The following RNF175 variants were observed in gnomAD, a reference collection of about 807,000 sequenced individuals.
RNF175 encodes the protein ring finger protein 175.
RNF175 carries 38 observed loss-of-function variants against 50.0 expected under a neutral mutation model. The observed-to-expected ratio is 0.76, with a 90% CI of 0.59 to 1.00. RNF175 has a LOEUF of 1.00. RNF175 is among the 50% of genes least tolerant of loss of function. RNF175 has a pLI of 0.00. For synonymous variants in RNF175, 155 were observed against 146.1 expected, an observed-to-expected ratio of 1.06 and a Z score of -0.44; for missense variants, 388 against 409.6, an observed-to-expected ratio of 0.95 and a Z score of 0.46.
At chr4:153,732,890 C>T (rs1448994410) in intron 3 of RNF175, among the ~76,000 whole-genome samples, 1 of 152,190 alleles carries the variant, frequency 6.6e-6, no homozygotes, top group Non-Finnish European at 1.5e-5. Context: ...GATGCTTGGA[C>T]TATGCTGTGC....
At chr4:153,758,732 T>C (rs1740673977) in intron 1 of RNF175, among the ~76,000 whole-genome samples, 1 of 151,562 alleles carries the variant, frequency 6.6e-6, no homozygotes, top group Admixed American at 6.6e-5. Flanking sequence ...GAGTGGACAG[T>C]CCCCTCTCTC....
intron 7 of RNF175, chr4:153,713,123 A>C (rs55720378): frequency 0.05 from 7,555 of 152,430 alleles, 305 homozygotes; most frequent in East Asian, 0.26. Context: ...AATTATTTTT[A>C]ATAGAATATA....
At chr4:153,728,983 A>G (rs1165938966) in intron 3 of RNF175, among the ~76,000 whole-genome samples, 1 of 152,182 alleles carries the variant, frequency 6.6e-6, no homozygotes, top group African/African-American at 2.4e-5. Flanking sequence ...CCTGAGTCCA[A>G]GTAGCCTTCA....
At chr4:153,757,421 A>ACTC (rs1242458177) in intron 1 of RNF175, among the ~76,000 whole-genome samples, 1 of 151,732 alleles carries the variant, frequency 6.6e-6, no homozygotes, top group Non-Finnish European at 1.5e-5. Context: ...GTCACTTTCA[A>ACTC]CTCTTCCCTC....
chr4:153,712,932 T>G (rs1251718527), intron 7 of RNF175, among the ~76,000 whole-genome samples: 2 of 152,070 alleles, frequency 1.3e-5, no homozygotes, highest in East Asian at 3.8e-4. Context: ...TGTGCGTTTC[T>G]CAGGCATTTA....
chr4:153,726,475 C>T (rs1738706509), intron 4 of RNF175, among the ~76,000 whole-genome samples: 2 of 152,196 alleles, frequency 1.3e-5, no homozygotes, highest in South Asian at 4.1e-4. Flanking sequence ...CTCACTTCCC[C>T]TTCTTTGGGC....
chr4:153,750,774 A>T (rs1335664736), intron 2 of RNF175, among the ~76,000 whole-genome samples: 2 of 152,158 alleles, frequency 1.3e-5, no homozygotes, highest in Non-Finnish European at 2.9e-5. Context: ...GCTGTTTAAT[A>T]TTCTATATAA....
intron 3 of RNF175, among the ~76,000 whole-genome samples, chr4:153,743,254 G>A (rs1739776530): frequency 6.6e-6 from 1 of 152,182 alleles, no homozygotes; most frequent in Non-Finnish European, 1.5e-5. Context: ...GCTGTGCTCT[G>A]ATGACCACTC....
chr4:153,758,746 C>T (rs1343039044), intron 1 of RNF175, among the ~76,000 whole-genome samples: 2 of 151,948 alleles, frequency 1.3e-5, no homozygotes, highest in Non-Finnish European at 2.9e-5. Flanking sequence ...CTCTCTCTGC[C>T]TTGTCCCATG....
chr4:153,710,502 T>G lies in RNF175; in HGVS notation c.867-13A>C, dbSNP rs1737496169. 1 of 1,608,614 alleles carries G rather than the reference T, an allele frequency of 6.2e-7. No homozygotes were observed. The highest frequency in any genetic ancestry group is 8.5e-7 in the Non-Finnish European group (1 of 1,177,288). ...TGTGCGCTCCCAGCTAAATCTCAGTTAAGGAGGTTGTTCTATATACAGCCA... is the reference window on the plus strand; with the variant it reads ...TGTGCGCTCCCAGCTAAATCTCAGTGAAGGAGGTTGTTCTATATACAGCCA... On this transcript the variant is annotated splice_polypyrimidine_tract_variant and intron_variant, in intron 8 of 8. Transcript: ENST00000347063.
chr4:153,735,136 G>C (rs929032879), intron 3 of RNF175, among the ~76,000 whole-genome samples: 3 of 151,394 alleles, frequency 2.0e-5, no homozygotes, highest in African/African-American at 7.3e-5. Flanking sequence ...TCTTCTCAAA[G>C]TCTTACAGTT....
At chr4:153,748,920 A>G in intron 2 of RNF175, 134 bp from the exon 3 acceptor site, 1 of 756,708 alleles carries the variant, frequency 1.3e-6, no homozygotes, top group East Asian at 2.9e-5. Context: ...TTCAAATATA[A>G]GGGTTGGTAA....
At chr4:153,757,360 C>T (rs895626504) in intron 1 of RNF175, among the ~76,000 whole-genome samples, 19 of 152,182 alleles carry the variant, frequency 1.2e-4, no homozygotes, top group Non-Finnish European at 2.6e-4. Flanking sequence ...ACTGCCACCC[C>T]GATTGGCTTT....
chr4:153,744,283 G>A (rs558853856), intron 3 of RNF175, among the ~76,000 whole-genome samples: 117 of 152,256 alleles, frequency 7.7e-4, no homozygotes, highest in African/African-American at 2.8e-3. Flanking sequence ...TTAGCCGGGT[G>A]TGGTGGTGGG....
chr4:153,718,209 G>GTTTTTTTTTTT (rs1238895381), intron 6 of RNF175, among the ~76,000 whole-genome samples: 1 of 92,594 alleles, frequency 1.1e-5, no homozygotes, highest in African/African-American at 5.0e-5. Flanking sequence ...TTCCTAAGGA[G>GTTTTTTTTTTT]TTTTTTTTGT....
At chr4:153,753,117 G>A (rs1740378531) in intron 1 of RNF175, among the ~76,000 whole-genome samples, 2 of 152,152 alleles carry the variant, frequency 1.3e-5, no homozygotes, top group Admixed American at 1.3e-4. Context: ...ATGGGCCAGC[G>A]GAAAGGGACA....
At chr4:153,743,715 G>A (rs886329999) in intron 3 of RNF175, among the ~76,000 whole-genome samples, 2 of 152,196 alleles carry the variant, frequency 1.3e-5, no homozygotes, top group African/African-American at 4.8e-5. Flanking sequence ...GTGTGACAGA[G>A]GGACATAGAC....
At chr4:153,720,477 T>A (rs1738270369) in intron 5 of RNF175, 173 bp from the exon 6 acceptor site, 3 of 565,492 alleles carry the variant, frequency 5.3e-6, no homozygotes, top group Non-Finnish European at 6.2e-6. Context: ...CCTCTGAATT[T>A]CCCTCAAATT....
chr4:153,744,904 T>A (rs1389251649), intron 3 of RNF175, among the ~76,000 whole-genome samples: 1 of 152,152 alleles, frequency 6.6e-6, no homozygotes, highest in African/African-American at 2.4e-5. Context: ...AAAATGAGAT[T>A]CCCCTTTCTA....
Sources: allele counts gnomAD v4.1 joint callset (sites outside exome capture counted in the v4.1 genomes callset), GRCh38; gene constraint gnomAD v4.1.1; transcripts MANE v1.5; gene names NCBI Gene and HGNC (gene_info 2026-07-23, HGNC 2026-07-21).